The following LHFPL2 variants were observed in gnomAD, a reference collection of about 807,000 sequenced individuals.
The protein encoded by LHFPL2 is LHFPL tetraspan subfamily member 2, also known as LHFPL tetraspan subfamily member 2 protein.
A neutral mutation model predicts 17.5 loss-of-function variants in LHFPL2; 7 were observed. The observed-to-expected ratio is 0.40, with a 90% confidence interval of 0.23 to 0.75. The LOEUF (loss-of-function observed/expected upper bound fraction) is 0.75, where lower values mean the gene tolerates loss of function less well. Ranked by LOEUF, LHFPL2 falls within the 30% of genes least tolerant of loss-of-function variation. The pLI is 0.37. For missense variants in LHFPL2, 241 were observed against 294.8 expected (o/e 0.82, Z 1.34); for synonymous variants, 134 against 116.2 (o/e 1.15, Z -0.99).
intron 3 of LHFPL2, among the ~76,000 whole-genome samples, chr5:78,521,198 C>T (rs1755447205): frequency 6.6e-6 from 1 of 152,180 alleles, no homozygotes; most frequent in Non-Finnish European, 1.5e-5. Context: ...AAAACATAAA[C>T]TGTATGAAAC....
chr5:78,568,961 T>G (rs190671268), intron 2 of LHFPL2, among the ~76,000 whole-genome samples: 1 of 152,306 alleles, frequency 6.6e-6, no homozygotes, highest in Admixed American at 6.5e-5. Context: ...TTGAGCCACT[T>G]AAGCTAAATC....
Position 78,511,930 on chromosome 5 carries a change from G to T in LHFPL2, c.-185-1532C>A, listed in dbSNP as rs866934290. On this transcript the variant is annotated intron_variant, in intron 3 of 4. Transcript: ENST00000380345. ...AAGGGAAGGGAGTCCATCAGGTATG[G>T]GTTCCAAAGCCAGCTCCAGCACTGA... is the stretch of plus-strand genomic sequence containing the variant. Among the ~76,000 whole-genome samples the T allele has an allele frequency of 2.0e-5, 3 of 152,120 alleles. No homozygotes were observed. The East Asian group carries it at 5.8e-4, about 29-fold the overall frequency.
In LHFPL2 at chr5:78,544,992, G is replaced by A. The variant is rs578207828; in HGVS notation, c.-186+19821C>T. On this transcript the variant is annotated intron_variant, in intron 3 of 4. Coordinates refer to ENST00000380345, the MANE Select transcript of LHFPL2 (RefSeq NM_005779.3). ...AGAGTGCACGCATTTCCTCTGGATC[G>A]TGCATCACTCACTCCCACTCTCTCT... 1.7e-4 allele frequency among the ~76,000 whole-genome samples: 26 copies of A among 152,052 alleles called. No homozygotes were observed. In the South Asian group the frequency reaches 5.2e-3, roughly 30 times the overall value.
At chr5:78,498,776 AGAAT>A (rs1162983874) in intron 4 of LHFPL2, among the ~76,000 whole-genome samples, 3 of 152,238 alleles carry the variant, frequency 2.0e-5, no homozygotes, top group African/African-American at 7.2e-5. Flanking sequence ...GATACAATTT[AGAAT>A]GAATGTCTTG....
At chr5:78,560,581 T>G (rs1349052233) in intron 3 of LHFPL2, among the ~76,000 whole-genome samples, 1 of 152,112 alleles carries the variant, frequency 6.6e-6, no homozygotes, top group African/African-American at 2.4e-5. Flanking sequence ...GGAGTGGTTG[T>G]GAGGGGAAGG....
chr5:78,637,225 G>C (rs1745480658), intron 1 of LHFPL2, among the ~76,000 whole-genome samples: 1 of 152,152 alleles, frequency 6.6e-6, no homozygotes, highest in Admixed American at 6.5e-5. Flanking sequence ...TGCTCCAAAT[G>C]AAACAATAGG....
Position 78,528,316 on chromosome 5 carries a change from G to A in LHFPL2, c.-185-17918C>T, listed in dbSNP as rs553916167. On this transcript the variant is annotated intron_variant, in intron 3 of 4. Coordinates refer to ENST00000380345, the MANE Select transcript of LHFPL2 (RefSeq NM_005779.3). ...TGGGCTGCACAGCAGGAGGTGAGTG[G>A]TGGCAAGCCAGAATTACCACCTGAG... is the stretch of plus-strand genomic sequence containing the variant. Among the ~76,000 whole-genome samples, 6 of 152,330 alleles carry A rather than the reference G, an allele frequency of 3.9e-5. No homozygotes were observed. The East Asian group carries it at 1.2e-3, about 29-fold the overall frequency.
intron 3 of LHFPL2, among the ~76,000 whole-genome samples, chr5:78,539,092 T>C (rs1211430264): frequency 6.6e-6 from 1 of 151,872 alleles, no homozygotes; most frequent in African/African-American, 2.4e-5. Flanking sequence ...CTTTGGGAGG[T>C]AATTAAGTCA....
intron 4 of LHFPL2, among the ~76,000 whole-genome samples, chr5:78,507,784 G>A (rs1376134026): frequency 3.3e-5 from 5 of 152,154 alleles, no homozygotes; most frequent in Non-Finnish European, 7.3e-5. Context: ...ACAACAGAGC[G>A]AGGGAAAACT....
At chr5:78,608,788 C>T (rs1350917403) in intron 2 of LHFPL2, among the ~76,000 whole-genome samples, 1 of 151,946 alleles carries the variant, frequency 6.6e-6, no homozygotes, top group African/African-American at 2.4e-5. Flanking sequence ...AAAAATTAGC[C>T]GGGCGCGGTG....
At chr5:78,520,845 C>G (rs530962692) in intron 3 of LHFPL2, among the ~76,000 whole-genome samples, 1 of 152,338 alleles carries the variant, frequency 6.6e-6, no homozygotes, top group Admixed American at 6.5e-5. Flanking sequence ...CTGCCCCGGG[C>G]CGCAGAGATG....
chr5:78,567,176 A>G (rs758636705), intron 2 of LHFPL2, among the ~76,000 whole-genome samples: 6 of 152,212 alleles, frequency 3.9e-5, no homozygotes, highest in South Asian at 2.1e-4. Flanking sequence ...AGTAAAAAGC[A>G]TTTTCTAGAA....
At chr5:78,542,912 A>T (rs755475444) in intron 3 of LHFPL2, among the ~76,000 whole-genome samples, 5 of 152,212 alleles carry the variant, frequency 3.3e-5, no homozygotes, top group Non-Finnish European at 7.3e-5. Context: ...ACTTAGGCAG[A>T]TAGTGAGGGT....
At chr5:78,511,393 G>A (rs1038380901) in intron 3 of LHFPL2, among the ~76,000 whole-genome samples, 6 of 152,236 alleles carry the variant, frequency 3.9e-5, no homozygotes, top group African/African-American at 7.2e-5. Context: ...CATTGCTCCA[G>A]TGGCTCAAGC....
At chr5:78,599,068 T>C (rs1237007604) in intron 2 of LHFPL2, among the ~76,000 whole-genome samples, 1 of 152,180 alleles carries the variant, frequency 6.6e-6, no homozygotes, top group African/African-American at 2.4e-5. Flanking sequence ...CTGCGCTCAC[T>C]GCACTTGTTG....
intron 1 of LHFPL2, among the ~76,000 whole-genome samples, chr5:78,634,820 C>T (rs1745377026): frequency 6.6e-6 from 1 of 152,222 alleles, no homozygotes; most frequent in Non-Finnish European, 1.5e-5. Flanking sequence ...CTTTCACAGG[C>T]TGTGTTCCCA....
At chr5:78,502,789 C>G (rs1322586650) in intron 4 of LHFPL2, among the ~76,000 whole-genome samples, 1 of 152,184 alleles carries the variant, frequency 6.6e-6, no homozygotes, top group East Asian at 1.9e-4. Context: ...TTAAATAATT[C>G]CTACTACAGC....
intron 1 of LHFPL2, among the ~76,000 whole-genome samples, chr5:78,645,250 T>G (rs1244797455): frequency 2.1e-5 from 3 of 142,688 alleles, no homozygotes; most frequent in African/African-American, 7.8e-5. Flanking sequence ...GGTGTATGGG[T>G]TTTTTTTTTT....
At chr5:78,603,810 C>A (rs1024233842) in intron 2 of LHFPL2, among the ~76,000 whole-genome samples, 1 of 152,158 alleles carries the variant, frequency 6.6e-6, no homozygotes. Context: ...ACCTCAAATA[C>A]CCTAATTTGG....
Sources: gnomAD v4.1 joint callset for allele counts (sites outside exome capture counted in the v4.1 genomes callset) on GRCh38, gnomAD v4.1.1 for gene constraint, MANE v1.5 for transcripts, NCBI Gene and HGNC (gene_info 2026-07-23, HGNC 2026-07-21) for gene names.